The following TAFA5 variants were observed in gnomAD, a reference collection of about 807,000 sequenced individuals.
TAFA5 encodes the protein TAFA chemokine like family member 5, also known as chemokine-like protein TAFA-5.
A neutral mutation model predicts 15.3 loss-of-function variants in TAFA5; 6 were observed. The observed-to-expected ratio is 0.39, with a 90% CI of 0.21 to 0.77. The LOEUF is 0.77. Ranked by LOEUF, TAFA5 falls within the 30% of genes least tolerant of loss-of-function variation. The pLI is 0.41. For missense variants in TAFA5, 161 were observed against 193.1 expected, an observed-to-expected ratio of 0.83 and a Z score of 0.98; for synonymous variants, 103 against 80.7, an observed-to-expected ratio of 1.28 and a Z score of -1.48.
chr22:48,711,111 G>C (rs1929238794), intron 3 of TAFA5, among the ~76,000 whole-genome samples: 2 of 152,304 alleles, frequency 1.3e-5, no homozygotes, highest in African/African-American at 4.8e-5. Context: ...CAGGGACCAG[G>C]GACATGGGCA....
chr22:48,657,308 C>T (rs1194145644), intron 2 of TAFA5, among the ~76,000 whole-genome samples: 2 of 152,184 alleles, frequency 1.3e-5, no homozygotes, highest in Non-Finnish European at 2.9e-5. Flanking sequence ...TAGAAAGACA[C>T]AAACTTCCAG....
chr22:48,690,393 T>C (rs1928501488), intron 2 of TAFA5, among the ~76,000 whole-genome samples: 1 of 152,016 alleles, frequency 6.6e-6, no homozygotes, highest in Non-Finnish European at 1.5e-5. Context: ...CTTTGGGACG[T>C]GTATCAGCCA....
At chr22:48,731,058 C>G (rs938028021) in intron 3 of TAFA5, among the ~76,000 whole-genome samples, 6 of 152,206 alleles carry the variant, frequency 3.9e-5, no homozygotes, top group Non-Finnish European at 8.8e-5. Context: ...AATGCAAGTA[C>G]TACTCCAGTG....
intron 2 of TAFA5, among the ~76,000 whole-genome samples, chr22:48,662,857 GCCTCCCCCAATCCTTGC>G (rs1308988836): frequency 6.6e-6 from 1 of 152,224 alleles, no homozygotes; most frequent in Non-Finnish European, 1.5e-5. Flanking sequence ...TGCAATGGTG[GCCTCCCCCAATCCTTGC>G]CCTCCCTATG....
intron 2 of TAFA5, among the ~76,000 whole-genome samples, chr22:48,697,912 A>G (rs927413950): frequency 1.9e-5 from 2 of 105,362 alleles, no homozygotes. Context: ...TGATGACAAT[A>G]TGATGATGGT....
intron 2 of TAFA5, among the ~76,000 whole-genome samples, chr22:48,680,442 C>T (rs552953627): frequency 4.6e-5 from 7 of 152,052 alleles, no homozygotes; most frequent in African/African-American, 1.4e-4. Context: ...CCATTCAAGT[C>T]CAGGTAGCCC....
intron 1 of TAFA5, among the ~76,000 whole-genome samples, chr22:48,501,300 C>T (rs922904327): frequency 6.6e-5 from 10 of 152,260 alleles, no homozygotes; most frequent in African/African-American, 2.2e-4. Flanking sequence ...TCAGTGTGCC[C>T]AGGCCTGACT....
chr22:48,519,522 G>T (rs960415368), intron 1 of TAFA5, among the ~76,000 whole-genome samples: 1 of 152,192 alleles, frequency 6.6e-6, no homozygotes. Context: ...TATGTGAAGG[G>T]GGGGATGCCC....
chr22:48,629,319 G>A (rs530715611), intron 1 of TAFA5, among the ~76,000 whole-genome samples: 17 of 152,264 alleles, frequency 1.1e-4, no homozygotes, highest in South Asian at 2.1e-4. Context: ...GGACAGAGGC[G>A]GAACAACCCA....
At chr22:48,541,423 C>T (rs1043766984) in intron 1 of TAFA5, among the ~76,000 whole-genome samples, 1 of 152,128 alleles carries the variant, frequency 6.6e-6, no homozygotes, top group Non-Finnish European at 1.5e-5. Context: ...TCTGGAGGGC[C>T]CGTAGGACCC....
At position 48,552,595 on chromosome 22, in the gene TAFA5, C is replaced by T. The variant is rs771019252; in HGVS notation, c.112+62891C>T. ...AGCTCTGCCTAAATGGATCGATCAT[C>T]TAGAACCCCCGTCGCAGGGCTCGGA... On this transcript the variant is annotated intron_variant, in intron 1 of 3. Coordinates refer to ENST00000402357, the MANE Select transcript of TAFA5 (RefSeq NM_001082967.3). The surrounding 1 kb of genome is among the most constrained non-coding windows in gnomAD (Gnocchi z 4.1). 1.4e-4 allele frequency among the ~76,000 whole-genome samples: 22 copies of T among 152,146 alleles called. No individual in the cohort carries two copies. The highest frequency in any genetic ancestry group is 4.4e-5 in the Non-Finnish European group (3 of 68,026).
intron 3 of TAFA5, among the ~76,000 whole-genome samples, chr22:48,736,108 G>A (rs376150973): frequency 5.6e-4 from 14 of 24,850 alleles, no homozygotes; most frequent in Non-Finnish European, 7.8e-4. Flanking sequence ...AATGAGAATC[G>A]CACTCCTAGA....
At chr22:48,664,923 G>A (rs2147217104) in intron 2 of TAFA5, among the ~76,000 whole-genome samples, 1 of 152,302 alleles carries the variant, frequency 6.6e-6, no homozygotes, top group South Asian at 2.1e-4. Flanking sequence ...GTCTCCGAGT[G>A]GCTGTGTCCA....
intron 1 of TAFA5, among the ~76,000 whole-genome samples, chr22:48,533,405 G>A (rs1449529317): frequency 1.3e-5 from 2 of 152,214 alleles, no homozygotes; most frequent in African/African-American, 4.8e-5. Flanking sequence ...GGCACAGGGT[G>A]AGGACTCCAG....
chr22:48,721,875 A>G (rs1384794479), intron 3 of TAFA5, among the ~76,000 whole-genome samples: 1 of 152,184 alleles, frequency 6.6e-6, no homozygotes, highest in Non-Finnish European at 1.5e-5. Flanking sequence ...AGGCTGAGGC[A>G]GGAGAATCGC....
intron 1 of TAFA5, among the ~76,000 whole-genome samples, chr22:48,588,425 G>A (rs73425956): frequency 0.12 from 18,514 of 152,208 alleles, 1,193 homozygotes; most frequent in East Asian, 0.29. Context: ...CGTCCTGAAA[G>A]GCTCTGCTGA....
At chr22:48,588,664 C>T (rs997180498) in intron 1 of TAFA5, among the ~76,000 whole-genome samples, 1 of 152,082 alleles carries the variant, frequency 6.6e-6, no homozygotes, top group Admixed American at 6.6e-5. Context: ...GATGGGGGCA[C>T]GATTCGGTGC....
chr22:48,627,952 T>TA (rs1299358806), intron 1 of TAFA5, among the ~76,000 whole-genome samples: 3 of 152,194 alleles, frequency 2.0e-5, no homozygotes, highest in African/African-American at 4.8e-5. Flanking sequence ...TGTGTGCACT[T>TA]ACCTTACTCC....
chr22:48,553,597 C>G (rs1922931027), intron 1 of TAFA5, among the ~76,000 whole-genome samples: 1 of 152,174 alleles, frequency 6.6e-6, no homozygotes, highest in South Asian at 2.1e-4. Flanking sequence ...CCAGGCACCA[C>G]TGTCCTTGAC....
Sources: gnomAD v4.1 joint callset for allele counts (sites outside exome capture counted in the v4.1 genomes callset) on GRCh38, gnomAD v4.1.1 for gene constraint, Gnocchi (gnomAD v3.1) non-coding constraint, MANE v1.5 for transcripts, NCBI Gene and HGNC (gene_info 2026-07-23, HGNC 2026-07-21) for gene names.